The following EPM2A variants were observed in gnomAD, a reference collection of about 807,000 sequenced individuals.
EPM2A encodes the protein laforin.
In EPM2A, 21 loss-of-function variants were observed where a neutral mutation model predicts 26.5. That is an observed-to-expected ratio of 0.79 (90% confidence interval 0.56 to 1.14). The LOEUF is 1.14. EPM2A is among the 50% of genes most tolerant of loss of function. The pLI, the probability that EPM2A is intolerant of heterozygous loss-of-function variation, is 0.00. For missense variants in EPM2A, 458 were observed against 440.8 expected (o/e 1.04, Z -0.35); for synonymous variants, 217 against 177.6 (o/e 1.22, Z -1.76).
chr6:145,705,144 T>C (rs1782143552), intron 1 of EPM2A, among the ~76,000 whole-genome samples: 1 of 152,004 alleles, frequency 6.6e-6, no homozygotes, highest in Admixed American at 6.6e-5. Flanking sequence ...AAAGTATCAG[T>C]GGTATAAAAG....
chr6:145,715,133 T>A (rs936405895), intron 1 of EPM2A, among the ~76,000 whole-genome samples: 5 of 152,214 alleles, frequency 3.3e-5, no homozygotes, highest in African/African-American at 1.2e-4. Flanking sequence ...TCATATACTT[T>A]ACAGATTTCT....
At chr6:145,620,113 C>G (rs1194740420) in intron 2 of EPM2A, among the ~76,000 whole-genome samples, 1 of 152,120 alleles carries the variant, frequency 6.6e-6, no homozygotes, top group Non-Finnish European at 1.5e-5. Context: ...ATTGTTTAGA[C>G]CAGTGGTCCC....
At chr6:145,596,845 T>G (rs2128549111) in intron 2 of EPM2A, among the ~76,000 whole-genome samples, 1 of 151,192 alleles carries the variant, frequency 6.6e-6, no homozygotes, top group East Asian at 1.9e-4. Context: ...ACTCTTTACT[T>G]TCTTCTACGT....
intron 4 of EPM2A, among the ~76,000 whole-genome samples, chr6:145,477,917 T>A (rs1038482976): frequency 2.6e-5 from 4 of 151,762 alleles, no homozygotes; most frequent in African/African-American, 9.7e-5. Flanking sequence ...CATAGTACTC[T>A]AAGTCCTATC....
chr6:145,394,169 G>C (rs62437909), intron 4 of EPM2A, among the ~76,000 whole-genome samples: 54,121 of 151,928 alleles, frequency 0.36, 11,869 homozygotes, highest in East Asian at 0.66. Context: ...CCTCATTCTT[G>C]TTTCCTCTGC....
At chr6:145,592,174 T>C (rs6941549) in intron 2 of EPM2A, among the ~76,000 whole-genome samples, 51,803 of 107,866 alleles carry the variant, frequency 0.48, 12,046 homozygotes, top group African/African-American at 0.6. Flanking sequence ...CCCCACCCCA[T>C]GACAGGCCCA....
At chr6:145,673,416 G>T (rs1437740563) in intron 2 of EPM2A, among the ~76,000 whole-genome samples, 2 of 152,164 alleles carry the variant, frequency 1.3e-5, no homozygotes, top group Non-Finnish European at 2.9e-5. Flanking sequence ...CATCTCACTG[G>T]GACTGGTTGG....
chr6:145,396,425 A>C (rs1453804493), intron 4 of EPM2A, among the ~76,000 whole-genome samples: 1 of 152,224 alleles, frequency 6.6e-6, no homozygotes. Flanking sequence ...ATTATAGGAA[A>C]GTCCAAGTAG....
At chr6:145,498,435 A>G (rs1779848535), downstream of EPM2A, among the ~76,000 whole-genome samples, 1 of 152,164 alleles carries the variant, frequency 6.6e-6, no homozygotes. Flanking sequence ...AAAGCTCCTG[A>G]GACTCTGTGC....
At chr6:145,720,013 T>A (rs1775866762) in intron 1 of EPM2A, among the ~76,000 whole-genome samples, 1 of 152,216 alleles carries the variant, frequency 6.6e-6, no homozygotes, top group Non-Finnish European at 1.5e-5. Flanking sequence ...AGTGTTTTTT[T>A]ATGTTTCATT....
intron 4 of EPM2A, among the ~76,000 whole-genome samples, chr6:145,419,466 A>C (rs902584216): frequency 2.6e-5 from 4 of 152,186 alleles, no homozygotes; most frequent in African/African-American, 9.6e-5. Context: ...AATCTCAAAA[A>C]TTGGAAGAAT....
chr6:145,584,163 A>C (rs953479394), intron 2 of EPM2A, among the ~76,000 whole-genome samples: 1 of 152,186 alleles, frequency 6.6e-6, no homozygotes, highest in Non-Finnish European at 1.5e-5. Context: ...CAGTGCATTA[A>C]GCAAAGTGTC....
At chr6:145,545,172 C>T (rs1164175339) in intron 2 of EPM2A, among the ~76,000 whole-genome samples, 5 of 149,186 alleles carry the variant, frequency 3.4e-5, no homozygotes, top group African/African-American at 1.2e-4. Flanking sequence ...CTTACATTCA[C>T]TCTTATTACT....
chr6:145,664,630 C>A (rs1779013808), intron 2 of EPM2A, among the ~76,000 whole-genome samples: 1 of 151,814 alleles, frequency 6.6e-6, no homozygotes. Context: ...CAAGGATACC[C>A]AGGAATTGAA....
downstream of EPM2A, among the ~76,000 whole-genome samples, chr6:145,622,580 T>C (rs117179829): frequency 4.1e-3 from 622 of 152,222 alleles, 18 homozygotes; most frequent in East Asian, 0.07. Flanking sequence ...AAATGGGAAA[T>C]TTAGACACAG....
At chr6:145,564,014 T>G (rs1373210565) in intron 2 of EPM2A, among the ~76,000 whole-genome samples, 1 of 152,190 alleles carries the variant, frequency 6.6e-6, no homozygotes, top group Non-Finnish European at 1.5e-5. Flanking sequence ...TCTATGCATA[T>G]CCTATCATCT....
intron 4 of EPM2A, among the ~76,000 whole-genome samples, chr6:145,463,812 G>A (rs2114718786): frequency 6.6e-6 from 1 of 152,166 alleles, no homozygotes; most frequent in South Asian, 2.1e-4. Flanking sequence ...TTAAATTTTT[G>A]TTAGATTCTG....
At chr6:145,501,557 C>T, downstream of EPM2A, 1 of 288,348 alleles carries the variant, frequency 3.5e-6, no homozygotes, top group East Asian at 8.8e-5. Context: ...TGTCCCAAAG[C>T]ACAAAGCTGA....
chr6:145,396,258 C>T (rs1778403969), intron 4 of EPM2A, among the ~76,000 whole-genome samples: 1 of 152,108 alleles, frequency 6.6e-6, no homozygotes, highest in Non-Finnish European at 1.5e-5. Flanking sequence ...GCTGCTCAAC[C>T]CACTACCCCT....
Sources: gnomAD v4.1 joint callset for allele counts (sites outside exome capture counted in the v4.1 genomes callset) on GRCh38, gnomAD v4.1.1 for gene constraint, MANE v1.5 for transcripts, NCBI Gene and HGNC (gene_info 2026-07-23, HGNC 2026-07-21) for gene names.